The following VTI1A variants were observed in gnomAD, a reference collection of about 807,000 sequenced individuals.
The protein encoded by VTI1A is vesicle transport through interaction with t-SNAREs 1A.
Under a neutral mutation model 34.9 loss-of-function variants are expected in VTI1A, and 22 were observed. The ratio of observed to expected loss-of-function variants is 0.63; its 90% confidence interval spans 0.45 to 0.90. The LOEUF is 0.90. Among genes scored for constraint, VTI1A ranks in the 40% least tolerant of loss-of-function variants. The pLI is 0.00. For missense variants in VTI1A, 268 were observed against 275.6 expected, an observed-to-expected ratio of 0.97 and a Z score of 0.20; for synonymous variants, 87 against 97.3, an observed-to-expected ratio of 0.89 and a Z score of 0.62.
intron 7 of VTI1A, among the ~76,000 whole-genome samples, chr10:112,733,911 C>A (rs1362127900): frequency 2.6e-5 from 4 of 151,902 alleles, no homozygotes; most frequent in Non-Finnish European, 4.4e-5. Context: ...CACCACCACA[C>A]CCAGCTAATT....
chr10:112,754,967 G>T (rs1851228931), intron 7 of VTI1A, among the ~76,000 whole-genome samples: 1 of 152,160 alleles, frequency 6.6e-6, no homozygotes, highest in South Asian at 2.1e-4. Context: ...CAGAAGATAG[G>T]TTTGCTTAGC....
Position 112,490,711 on chromosome 10 carries a change from C to T in VTI1A, c.264+26054C>T, listed in dbSNP as rs573261766. 2.6e-5 allele frequency among the ~76,000 whole-genome samples: 4 copies of T among 151,464 alleles called. No individual in the cohort carries two copies. The South Asian group carries it at 6.3e-4, about 24-fold the overall frequency. ...GGGAGCAGGATGACATGCCTCTTAG[C>T]GATCCCTTTGATCTTTGAGATGAGT... On this transcript the variant is annotated intron_variant, in intron 3 of 7. Coordinates refer to ENST00000393077, the MANE Select transcript of VTI1A (RefSeq NM_145206.4).
At chr10:112,565,871 C>G (rs1013179653) in intron 5 of VTI1A, among the ~76,000 whole-genome samples, 4 of 152,134 alleles carry the variant, frequency 2.6e-5, no homozygotes, top group Non-Finnish European at 5.9e-5. Context: ...TTCAAAACCT[C>G]ATTTTTAAAA....
rs201959423 is a variant in VTI1A, at chr10:112,487,132, CT to C, written c.264+22484del. 5.3e-5 allele frequency among the ~76,000 whole-genome samples: 8 copies of C among 151,022 alleles called. No homozygotes were observed. In the East Asian group the frequency reaches 1.2e-3, roughly 22 times the overall value. ...TGATAAAACTGAACAAACTTAAATG[CT>C]TTTTTTTTGAGACAGAGTCACACTG... On this transcript the variant is annotated intron_variant, in intron 3 of 7. Coordinates refer to ENST00000393077, the MANE Select transcript of VTI1A (RefSeq NM_145206.4).
At chr10:112,632,178 C>T (rs928544057) in intron 5 of VTI1A, among the ~76,000 whole-genome samples, 1 of 152,098 alleles carries the variant, frequency 6.6e-6, no homozygotes, top group African/African-American at 2.4e-5. Context: ...TAATAAACAT[C>T]CTGGAATGTA....
chr10:112,846,559 G>C, the VTI1A span, among the ~76,000 whole-genome samples: 3 of 152,130 alleles, frequency 2.0e-5, no homozygotes, highest in Non-Finnish European at 4.4e-5. Flanking sequence ...CAGGTCAGGA[G>C]ATCAAGACCA....
intron 1 of VTI1A, among the ~76,000 whole-genome samples, chr10:112,456,319 G>A (rs193211238): frequency 1.0e-3 from 154 of 151,508 alleles, no homozygotes; most frequent in African/African-American, 3.6e-3. Context: ...CTACTCGGGA[G>A]GCTGCAGCAG....
At chr10:112,674,735 C>T (rs1360541734) in intron 7 of VTI1A, among the ~76,000 whole-genome samples, 1 of 152,154 alleles carries the variant, frequency 6.6e-6, no homozygotes, top group Non-Finnish European at 1.5e-5. Flanking sequence ...GTGAGGCAAA[C>T]TGTGCTTAGT....
intron 7 of VTI1A, among the ~76,000 whole-genome samples, chr10:112,674,422 A>C (rs1380419745): frequency 6.6e-6 from 1 of 152,168 alleles, no homozygotes; most frequent in Non-Finnish European, 1.5e-5. Context: ...TGTACAGTTG[A>C]CTCATTGCCT....
intron 7 of VTI1A, among the ~76,000 whole-genome samples, chr10:112,800,171 G>A (rs112413912): frequency 0.02 from 2,975 of 152,304 alleles, 42 homozygotes; most frequent in Middle Eastern, 0.061. Context: ...AAAAGCCAAG[G>A]CAGCCGAGTC....
At chr10:112,676,307 G>A (rs10885371) in intron 7 of VTI1A, among the ~76,000 whole-genome samples, 30,956 of 151,800 alleles carry the variant, frequency 0.2, 3,550 homozygotes, top group East Asian at 0.44. Flanking sequence ...TTCTTGCACT[G>A]CTCTGGTGCG....
At chr10:112,534,105 A>G (rs936957448) in intron 4 of VTI1A, among the ~76,000 whole-genome samples, 2 of 152,100 alleles carry the variant, frequency 1.3e-5, no homozygotes, top group African/African-American at 2.4e-5. Flanking sequence ...AGCTTTCGTC[A>G]TTGTTAAACA....
chr10:112,504,358 TTCTCCCCCAACCC>T, intron 3 of VTI1A, among the ~76,000 whole-genome samples: 1 of 152,174 alleles, frequency 6.6e-6, no homozygotes, highest in African/African-American at 2.4e-5. Context: ...CAAGCGTATA[TTCTCCCCCAACCC>T]TGCTTTAAAC....
Position 112,603,143 on chromosome 10 carries a change from A to G in VTI1A, c.427+64813A>G, listed in dbSNP as rs190793375. 4.0e-3 allele frequency among the ~76,000 whole-genome samples: 605 copies of G among 152,362 alleles called. 2 individuals carry two copies. The highest frequency in any genetic ancestry group is 0.014 in the African/African-American group (565 of 41,586). On this transcript the variant is annotated intron_variant, in intron 5 of 7. Transcript: ENST00000393077. ...TAAATTGTATTACCATGCTGGCTGT[A>G]TAACTGAGCCATATCGGGGGAACTG...
At chr10:112,808,642 A>G (rs1853173835) in intron 7 of VTI1A, among the ~76,000 whole-genome samples, 1 of 151,894 alleles carries the variant, frequency 6.6e-6, no homozygotes, top group African/African-American at 2.4e-5. Flanking sequence ...AAAAAAAAAA[A>G]AAGAAAGCGA....
chr10:112,618,516 T>TAGAGAG (rs1295144968), intron 5 of VTI1A, among the ~76,000 whole-genome samples: 85 of 46,382 alleles, frequency 1.8e-3, no homozygotes, highest in African/African-American at 4.8e-3. Context: ...TATATATATA[T>TAGAGAG]ATATATATAG....
chr10:112,655,795 G>A (rs919129651), intron 5 of VTI1A, among the ~76,000 whole-genome samples: 1 of 152,172 alleles, frequency 6.6e-6, no homozygotes, highest in African/African-American at 2.4e-5. Flanking sequence ...CCCATAAGAA[G>A]GAGTTTGACA....
intron 5 of VTI1A, among the ~76,000 whole-genome samples, chr10:112,660,162 A>G (rs1009617467): frequency 6.6e-5 from 10 of 152,190 alleles, no homozygotes; most frequent in African/African-American, 2.4e-4. Context: ...GTGCGGTGGC[A>G]TGATCTCGGC....
At chr10:112,778,210 C>A (rs1250582714) in intron 7 of VTI1A, among the ~76,000 whole-genome samples, 1 of 152,188 alleles carries the variant, frequency 6.6e-6, no homozygotes, top group African/African-American at 2.4e-5. Flanking sequence ...GTTGGAATTA[C>A]CAGCTACCTG....
Sources: gnomAD v4.1 joint callset for allele counts (sites outside exome capture counted in the v4.1 genomes callset) on GRCh38, gnomAD v4.1.1 for gene constraint, MANE v1.5 for transcripts, NCBI Gene and HGNC (gene_info 2026-07-23, HGNC 2026-07-21) for gene names.